The following ATP10A variants were observed in gnomAD, a reference collection of about 807,000 sequenced individuals.
ATP10A encodes the protein ATPase phospholipid transporting 10A (putative), also known as phospholipid-transporting ATPase VA.
Under a neutral mutation model 147.8 loss-of-function variants are expected in ATP10A, and 111 were observed. The observed-to-expected ratio is 0.75, with a 90% CI of 0.64 to 0.88. The LOEUF (loss-of-function observed/expected upper bound fraction) is 0.88, where lower values mean the gene tolerates loss of function less well. ATP10A is among the 40% of genes least tolerant of loss of function. The pLI is 0.00. For synonymous variants in ATP10A, 875 were observed against 841.6 expected (o/e 1.04, Z -0.69); for missense variants, 1,927 against 1,959.0 (o/e 0.98, Z 0.31).
chr15:25,769,385 G>T lies in ATP10A; in HGVS notation c.654+11634C>A, dbSNP rs187996526. 3.1e-4 allele frequency among the ~76,000 whole-genome samples: 47 copies of T among 150,860 alleles called. No individual in the cohort carries two copies. The East Asian group carries it at 8.5e-3, about 27-fold the overall frequency. On this transcript the variant is annotated intron_variant, in intron 2 of 20. Coordinates refer to ENST00000555815, the MANE Select transcript of ATP10A (RefSeq NM_024490.4). ...GTCTGTAATCCCAGCTACTCGGGAG[G>T]CTGAGGCAGAGAATTGCTTGAACCT...
chr15:25,860,178 C>G (rs1893694848), intron 1 of ATP10A, among the ~76,000 whole-genome samples: 2 of 152,132 alleles, frequency 1.3e-5, no homozygotes, highest in African/African-American at 4.8e-5. Context: ...TACCCTAGAA[C>G]CTGTTCTCAA....
chr15:25,808,746 C>T (rs1596930437), intron 1 of ATP10A, among the ~76,000 whole-genome samples: 2 of 152,176 alleles, frequency 1.3e-5, no homozygotes, highest in African/African-American at 4.8e-5. Context: ...ACTCTTTTCC[C>T]CCATTGGGTG....
At chr15:25,711,721 T>C (rs1187208411) in intron 10 of ATP10A, among the ~76,000 whole-genome samples, 1 of 152,134 alleles carries the variant, frequency 6.6e-6, no homozygotes, top group African/African-American at 2.4e-5. Flanking sequence ...CATGATGCCA[T>C]GGATTTGAGG....
chr15:25,777,058 GGT>G (rs143737539), intron 2 of ATP10A, among the ~76,000 whole-genome samples: 17 of 150,420 alleles, frequency 1.1e-4, no homozygotes, highest in African/African-American at 2.9e-4. Context: ...CTTTAGGTGG[GGT>G]GTGTGTGTGT....
At chr15:25,788,159 A>C (rs958722563) in intron 1 of ATP10A, among the ~76,000 whole-genome samples, 5 of 152,162 alleles carry the variant, frequency 3.3e-5, no homozygotes, top group Non-Finnish European at 7.3e-5. Flanking sequence ...TTCCTCACAA[A>C]ATCCCTCCTG....
At position 25,680,928 on chromosome 15, in the gene ATP10A, G is replaced by C; in HGVS notation, c.3574-14C>G. 1.2e-6 allele frequency: 2 copies of C among 1,613,926 alleles called. No homozygotes were observed. The highest frequency in any genetic ancestry group is 1.7e-6 in the Non-Finnish European group (2 of 1,179,846). On this transcript the variant is annotated splice_polypyrimidine_tract_variant and intron_variant, in intron 18 of 20. Transcript: ENST00000555815. ...GTCATAGTAGGCCTGAAAGACAGTG[G>C]GGTCCTGGATCTGTAGGTCCCCGGA... is the stretch of plus-strand genomic sequence containing the variant.
At position 25,694,923 on chromosome 15, in the gene ATP10A, G is replaced by A. The variant is rs1472965024; in HGVS notation, c.2984C>T (p.Ala995Val). The change falls in exon 14 of 21, where the codon GCC becomes GTC. Residue 995 changes from alanine to valine, a missense_variant. Transcript: ENST00000555815. Reference protein sequence around the residue: ...KNLEDKFLFLAKQCRSVLCCR... With the variant: ...KNLEDKFLFLVKQCRSVLCCR... ...GCAGAGGACGGAGCGGCACTGCTTG[G>A]CAAGGAAGAGGAATTTGTCCTCCAG... is the stretch of plus-strand genomic sequence containing the variant. The A allele has an allele frequency of 6.2e-7, 1 of 1,614,062 alleles. No homozygotes were observed. The highest frequency in any genetic ancestry group is 8.5e-7 in the Non-Finnish European group (1 of 1,180,050).
At chr15:25,818,204 A>G (rs1416360819) in intron 1 of ATP10A, among the ~76,000 whole-genome samples, 1 of 152,182 alleles carries the variant, frequency 6.6e-6, no homozygotes, top group Non-Finnish European at 1.5e-5. Flanking sequence ...CTTAAATCCC[A>G]CTAAAGTGAT....
chr15:25,687,421 C>A (rs1027141750), intron 16 of ATP10A, among the ~76,000 whole-genome samples: 1 of 151,892 alleles, frequency 6.6e-6, no homozygotes, highest in Non-Finnish European at 1.5e-5. Flanking sequence ...CATAATTATG[C>A]CCCTTCTCAC....
chr15:25,729,472 T>C (rs1490963431), intron 3 of ATP10A, among the ~76,000 whole-genome samples: 2 of 152,224 alleles, frequency 1.3e-5, no homozygotes, highest in Non-Finnish European at 2.9e-5. Flanking sequence ...CAACACACGC[T>C]TGCTGGCCTC....
intron 15 of ATP10A, 111 bp from the exon 16 acceptor site, chr15:25,687,939 A>G (rs775149365): frequency 6.6e-7 from 1 of 1,513,178 alleles, no homozygotes; most frequent in African/African-American, 1.4e-5. Context: ...CCCATTCTGA[A>G]CACAGTGCGA....
intron 13 of ATP10A, among the ~76,000 whole-genome samples, chr15:25,701,610 C>T (rs982201070): frequency 1.7e-4 from 26 of 152,166 alleles, no homozygotes; most frequent in African/African-American, 5.6e-4. Context: ...TGGACCACTG[C>T]CCTGGCTCCA....
chr15:25,715,776 C>T (rs974352429), intron 9 of ATP10A, among the ~76,000 whole-genome samples: 11 of 152,190 alleles, frequency 7.2e-5, no homozygotes, highest in African/African-American at 2.7e-4. Context: ...ACCTTGTTCA[C>T]CCCACATCGC....
At chr15:25,697,470 A>T (rs1253803486) in intron 13 of ATP10A, among the ~76,000 whole-genome samples, 1 of 152,242 alleles carries the variant, frequency 6.6e-6, no homozygotes, top group Non-Finnish European at 1.5e-5. Context: ...CAATGTCAAG[A>T]TGACACAGAT....
chr15:25,829,318 T>C (rs1384646222), intron 1 of ATP10A, among the ~76,000 whole-genome samples: 1 of 152,178 alleles, frequency 6.6e-6, no homozygotes, highest in Non-Finnish European at 1.5e-5. Flanking sequence ...TTCAGAGCTT[T>C]GCATCCATTT....
At chr15:25,815,635 TA>T (rs1354565470) in intron 1 of ATP10A, among the ~76,000 whole-genome samples, 1 of 146,150 alleles carries the variant, frequency 6.8e-6, no homozygotes, top group East Asian at 2.0e-4. Context: ...TCACACAGAC[TA>T]AAACCAAACC....
Position 25,680,254 on chromosome 15 carries a change from CCA to C in ATP10A, c.3731_3732del (p.Val1244GlyfsTer27). On this transcript the variant is annotated frameshift_variant, in exon 20 of 21. Coordinates refer to ENST00000555815, the MANE Select transcript of ATP10A (RefSeq NM_024490.4). LOFTEE classifies it high-confidence loss of function. ...CGFSVLLFFT[V>X]ALIYNASCAT... ...GCACAAGACGCATTGTAAATCAAAGCCACGGTGAAAAACAAAAGGACACTGAA... is the reference window on the plus strand; with the variant it reads ...GCACAAGACGCATTGTAAATCAAAGCCGGTGAAAAACAAAAGGACACTGAA... 6.2e-7 allele frequency: 1 copy of C among 1,614,178 alleles called. No individual in the cohort carries two copies. Among genetic ancestry groups the C allele is most frequent in the East Asian group, 2.2e-5 (1 of 44,866 alleles).
intron 13 of ATP10A, 110 bp downstream of exon 13, chr15:25,701,806 T>G (rs1596712105): frequency 9.2e-7 from 1 of 1,088,458 alleles, no homozygotes; most frequent in Non-Finnish European, 1.3e-6. Context: ...ATGCGGAGGG[T>G]GAGGTCCTTC....
At chr15:25,725,696 G>A (rs563959730) in intron 5 of ATP10A, among the ~76,000 whole-genome samples, 1 of 150,926 alleles carries the variant, frequency 6.6e-6, no homozygotes, top group East Asian at 2.0e-4. Flanking sequence ...GTGCAGTGGT[G>A]CGATCTCAGC....
Sources: gnomAD v4.1 joint callset for allele counts (sites outside exome capture counted in the v4.1 genomes callset) on GRCh38, gnomAD v4.1.1 for gene constraint, MANE v1.5 for transcripts, NCBI Gene and HGNC (gene_info 2026-07-23, HGNC 2026-07-21) for gene names.